The following PKP3 variants were observed in gnomAD, a reference collection of about 807,000 sequenced individuals.
PKP3 encodes plakophilin 3.
Under a neutral mutation model 76.5 loss-of-function variants are expected in PKP3, and 66 were observed. The observed-to-expected ratio is 0.86, with a 90% CI of 0.71 to 1.06. The LOEUF (loss-of-function observed/expected upper bound fraction) is 1.06, where lower values mean the gene tolerates loss of function less well. Ranked by LOEUF, PKP3 falls within the 50% of genes least tolerant of loss-of-function variation. PKP3 has a pLI of 0.00. For synonymous variants in PKP3, 638 were observed against 516.5 expected, an observed-to-expected ratio of 1.24 and a Z score of -3.19; for missense variants, 1,338 against 1,141.0, an observed-to-expected ratio of 1.17 and a Z score of -2.49.
intron 4 of PKP3, among the ~76,000 whole-genome samples, chr11:398,036 G>GTACCCCCGCACACACCTGCATCACCTCCA (rs1847082941): frequency 2.0e-5 from 1 of 50,506 alleles, no homozygotes; most frequent in Middle Eastern, 0.017. Context: ...CGTCACCTCC[G>GTACCCCCGCACACACCTGCATCACCTCCA]TACCCCCGCA....
At position 394,413 on chromosome 11, in the gene PKP3, C is replaced by T. The variant is rs1440733751; in HGVS notation, c.121C>T (p.Leu41=). The T allele has an allele frequency of 4.8e-6, 7 of 1,472,342 alleles. No homozygotes were observed. The highest frequency in any genetic ancestry group is 2.4e-5 in the Admixed American group (1 of 41,338). The allele number at this position is 1,472,342 out of a possible 1,614,324, so 91.2% of individuals were successfully genotyped here. A position where few individuals can be genotyped will look rare whatever the true frequency, so the allele number is the denominator to read the frequency against. ...RGAEGPEAER[L]RAARVQEQVR... ...CGCCGAGGGGCCGGAGGCCGAGCGG[C>T]TGCGGGCAGCCCGCGTCCAGGAGCA... The change falls in exon 1 of 13, where the codon CTG becomes TTG. Residue 41 remains leucine, a synonymous_variant. Coordinates refer to ENST00000331563, the MANE Select transcript of PKP3 (RefSeq NM_007183.4).
In PKP3 at chr11:400,568, C is replaced by T. The variant is rs552895635; in HGVS notation, c.1600C>T (p.Leu534=). ...VENAVCVLRN[L]SYRLYDEMPP... ...GAACGCGGTGTGCGTCCTGCGGAAC[C>T]TGTCCTACCGCCTCTACGACGAGAT... Residue 534 remains leucine (L), a synonymous_variant, in exon 8 of 13, where the codon CTG becomes TTG. Transcript: ENST00000331563. 9 of 1,495,452 alleles carry T rather than the reference C, an allele frequency of 6.0e-6. No homozygotes were observed. In the African/African-American group the frequency reaches 7.2e-5, roughly 12 times the overall value. 92.6% of individuals were successfully genotyped at this position (1,495,452 alleles called of 1,614,324 possible). A position where few individuals can be genotyped will look rare whatever the true frequency, so the allele number is the denominator to read the frequency against.
In PKP3 at chr11:397,218, G is replaced by C; in HGVS notation, c.717G>C (p.Pro239=). The C allele has an allele frequency of 2.5e-6, 4 of 1,598,990 alleles. No homozygotes were observed. The highest frequency in any genetic ancestry group is 2.2e-5 in the South Asian group (2 of 90,882). The change falls in exon 3 of 13, where the codon CCG becomes CCC. Residue 239 remains proline (P), a synonymous_variant. Coordinates refer to ENST00000331563, the MANE Select transcript of PKP3 (RefSeq NM_007183.4). The part of the protein sequence containing the change: ...LDWPEATEVS[P]SRTIRAPAVR... Reference sequence around the variant, plus strand: ...GGCCCGAGGCCACTGAGGTTTCCCCGAGCCGGACCATCCGTGCCCCTGCCG... The same window carrying C: ...GGCCCGAGGCCACTGAGGTTTCCCCCAGCCGGACCATCCGTGCCCCTGCCG...
rs751109895 is a variant in PKP3 at position 399,949 on chromosome 11, G to A, written c.1274-18G>A. On this transcript the variant is annotated intron_variant, in intron 5 of 12. Coordinates refer to ENST00000331563, the MANE Select transcript of PKP3 (RefSeq NM_007183.4). ...GGTTGGAGGGCAGACGCTGATAGCAGCCTCCCCCGTCCTCCAGGGATCCTG... is the reference window on the plus strand; with the variant it reads ...GGTTGGAGGGCAGACGCTGATAGCAACCTCCCCCGTCCTCCAGGGATCCTG... 2 of 1,581,152 alleles carry A rather than the reference G, an allele frequency of 1.3e-6. 1 individual carries two copies. The highest frequency in any genetic ancestry group is 2.3e-5 in the South Asian group (2 of 86,994).
upstream of PKP3, chr11:392,701 C>T (rs772408693): frequency 1.3e-5 from 17 of 1,286,260 alleles, no homozygotes; most frequent in Non-Finnish European, 1.5e-5. Context: ...ATCCGGACCA[C>T]GAGCCGGGTA....
chr11:398,994 C>A lies in PKP3; in HGVS notation c.1071C>A (p.Ala357=). 1 of 1,570,492 alleles carries A rather than the reference C, an allele frequency of 6.4e-7. No homozygotes were observed. ...CYSDAAAKKQ[A]RSLQAVPRLV... is the part of the protein sequence containing the mutation. ...CCCCCATATGCCTGTGCCCGCAGGC[C>A]CGCAGCCTTCAGGCCGTGCCTAGGC... Residue 357 remains alanine (A), a splice_region_variant and synonymous_variant, in exon 5 of 13, where the codon GCC becomes GCA. Transcript: ENST00000331563.
In PKP3 at chr11:397,218, G is replaced by A. The variant is rs200871031; in HGVS notation, c.717G>A (p.Pro239=). The A allele has an allele frequency of 4.6e-4, 730 of 1,598,990 alleles. 1 individual carries two copies. Among genetic ancestry groups the A allele is most frequent in the Non-Finnish European group, 5.8e-4 (678 of 1,179,062 alleles). The change falls in exon 3 of 13, where the codon CCG becomes CCA. Residue 239 remains proline, a synonymous_variant. Transcript: ENST00000331563. ...LDWPEATEVS[P]SRTIRAPAVR... ...GGCCCGAGGCCACTGAGGTTTCCCC[G>A]AGCCGGACCATCCGTGCCCCTGCCG... is the stretch of plus-strand genomic sequence containing the variant.
Position 396,930 on chromosome 11 carries a change from T to G in PKP3, c.429T>G (p.Phe143Leu). 1.3e-6 allele frequency: 2 copies of G among 1,595,430 alleles called. No individual in the cohort carries two copies. Among genetic ancestry groups the G allele is most frequent in the Non-Finnish European group, 1.7e-6 (2 of 1,175,178 alleles). The stretch of plus-strand genomic sequence containing the variant: ...CAGCCCACAACGGGGGCAGCGCCTT[T>G]GGGGCCGCTGGGTACGGGGGTGCCC... ...LSSAHNGGSAFGAAGYGGAQP... is the reference protein window; with the variant it reads ...LSSAHNGGSALGAAGYGGAQP... The change falls in exon 3 of 13, where the codon TTT (phenylalanine) becomes TTG (leucine). Residue 143 changes from phenylalanine to leucine, a missense_variant. Coordinates refer to ENST00000331563, the MANE Select transcript of PKP3 (RefSeq NM_007183.4).
chr11:400,776 ACC>A (rs1847143081), intron 8 of PKP3, 71 bp downstream of exon 8: 1 of 745,906 alleles, frequency 1.3e-6, no homozygotes. Flanking sequence ...GGCCCCGCTC[ACC>A]CCCGCCCCGC....
intron 4 of PKP3, among the ~76,000 whole-genome samples, chr11:398,278 C>T (rs188165478): frequency 1.1e-4 from 8 of 74,988 alleles, no homozygotes; most frequent in Non-Finnish European, 1.5e-4. Flanking sequence ...CACCCGCACA[C>T]ACCTGCGTCA....
intron 8 of PKP3, 23 bp from the exon 9 acceptor site, chr11:403,055 C>A: frequency 7.1e-7 from 1 of 1,408,798 alleles, no homozygotes. Context: ...CCGACCCCGC[C>A]GACTCCTCCC....
Position 403,232 on chromosome 11 carries a change from C to A in PKP3, c.1892C>A (p.Ala631Glu). 6.3e-7 allele frequency: 1 copy of A among 1,587,456 alleles called. No homozygotes were observed. The highest frequency in any genetic ancestry group is 8.5e-7 in the Non-Finnish European group (1 of 1,170,418). Residue 631 changes from alanine (A) to glutamate (E), a missense_variant, in exon 9 of 13, where the codon GCG (alanine) becomes GAG (glutamate). Transcript: ENST00000331563. ...NRHTTEAAAG[A>E]LQNITAGDRR... ...CACACGACGGAGGCGGCCGCCGGGG[C>A]GCTGCAGAACATCACGGCAGGCGAC...
rs990860292 is a variant in PKP3 at position 400,365 on chromosome 11, C to A, written c.1480C>A (p.Gln494Lys). ...CAGCTCAGCCTCTCAGGCCACTCGCCAGAAGATGCGGGAGTGCCACGGGCT... is the reference window on the plus strand; with the variant it reads ...CAGCTCAGCCTCTCAGGCCACTCGCAAGAAGATGCGGGAGTGCCACGGGCT... The part of the protein sequence containing the change: ...NLSSASQATR[Q>K]KMRECHGLVD... The change falls in exon 7 of 13, where the codon CAG becomes AAG. Residue 494 changes from glutamine (Q) to lysine (K), a missense_variant. Coordinates refer to ENST00000331563, the MANE Select transcript of PKP3 (RefSeq NM_007183.4). The A allele has an allele frequency of 1.9e-6, 3 of 1,549,696 alleles. No homozygotes were observed. Among genetic ancestry groups the A allele is most frequent in the Non-Finnish European group, 1.7e-6 (2 of 1,146,552 alleles).
At chr11:393,080 C>G (rs1343547288), upstream of PKP3, among the ~76,000 whole-genome samples, 3 of 151,240 alleles carry the variant, frequency 2.0e-5, no homozygotes, top group East Asian at 5.8e-4. Context: ...TCAGCTCCCA[C>G]CCCCAGCCCT....
chr11:394,649 T>A, intron 1 of PKP3, 125 bp downstream of exon 1: 2 of 769,844 alleles, frequency 2.6e-6, no homozygotes, highest in South Asian at 2.8e-5. Context: ...TCACACTGAG[T>A]CACACACCCC....
At chr11:403,368 C>A in intron 9 of PKP3, 105 bp downstream of exon 9, 2 of 1,029,192 alleles carry the variant, frequency 1.9e-6, no homozygotes, top group Non-Finnish European at 2.8e-6. Context: ...GCCCAGGGTC[C>A]GCGGAGCCTC....
chr11:392,966 G>A (rs983383454), upstream of PKP3, among the ~76,000 whole-genome samples: 4 of 151,950 alleles, frequency 2.6e-5, no homozygotes, highest in Admixed American at 2.0e-4. Flanking sequence ...TAGGGGGCAA[G>A]GGTCTGCCCT....
chr11:396,905 C>G lies in PKP3; in HGVS notation c.404C>G (p.Ser135Ter). 1 of 1,597,192 alleles carries G rather than the reference C, an allele frequency of 6.3e-7. No homozygotes were observed. Among genetic ancestry groups the G allele is most frequent in the Non-Finnish European group, 8.5e-7 (1 of 1,174,876 alleles). The change falls in exon 3 of 13, where the codon TCA becomes TGA. Residue 135 changes from serine (S) to a stop codon, truncating the protein, a stop_gained. Transcript: ENST00000331563. LOFTEE classifies it high-confidence loss of function. ...CTGAGCTGCAGTCGGAGGCTGAGTTCAGCCCACAACGGGGGCAGCGCCTTT... is the reference window on the plus strand; with the variant it reads ...CTGAGCTGCAGTCGGAGGCTGAGTTGAGCCCACAACGGGGGCAGCGCCTTT... The part of the protein sequence containing the change: ...VDLSCSRRLS[S>*]AHNGGSAFGA...
At position 403,219 on chromosome 11, in the gene PKP3, G is replaced by T. The variant is rs1430765778; in HGVS notation, c.1879G>T (p.Ala627Ser). Reference protein sequence around the residue: ...RCELNRHTTEAAAGALQNITA... With the variant: ...RCELNRHTTESAAGALQNITA... The stretch of plus-strand genomic sequence containing the variant: ...CGAGCTCAACCGGCACACGACGGAG[G>T]CGGCCGCCGGGGCGCTGCAGAACAT... The change falls in exon 9 of 13, where the codon GCG becomes TCG. Residue 627 changes from alanine (A) to serine (S), a missense_variant. Physicochemically the swap from Ala to Ser is moderately conservative, Grantham distance 99. Transcript: ENST00000331563. The T allele has an allele frequency of 6.3e-7, 1 of 1,590,186 alleles. No homozygotes were observed. Among genetic ancestry groups the T allele is most frequent in the South Asian group, 1.1e-5 (1 of 88,256 alleles).
Sources: gnomAD v4.1 joint callset for allele counts (sites outside exome capture counted in the v4.1 genomes callset) on GRCh38, gnomAD v4.1.1 for gene constraint, MANE v1.5 for transcripts, NCBI Gene and HGNC (gene_info 2026-07-23, HGNC 2026-07-21) for gene names.